NLRC5: variants seen among roughly 807,000 people sequenced by gnomAD.
NLRC5 encodes NLR family CARD domain containing 5.
A neutral mutation model predicts 206.9 loss-of-function variants in NLRC5; 114 were observed. The observed-to-expected ratio is 0.55, with a 90% CI of 0.47 to 0.64. The LOEUF is 0.64. Among genes scored for constraint, NLRC5 ranks in the 30% least tolerant of loss-of-function variants. The pLI is 0.00. For missense variants in NLRC5, 2,008 were observed against 2,305.5 expected, an observed-to-expected ratio of 0.87 and a Z score of 2.64; for synonymous variants, 952 against 962.8, an observed-to-expected ratio of 0.99 and a Z score of 0.21.
At chr16:57,025,334 T>A in intron 5 of NLRC5, 34 bp from the exon 6 acceptor site, 1 of 1,499,824 alleles carries the variant, frequency 6.7e-7, no homozygotes, top group Admixed American at 2.3e-5. Context: ...GGCCGGGGGG[T>A]CCTCTCCTCA....
At chr16:57,067,597 A>C (rs557061991) in intron 35 of NLRC5, 127 bp downstream of exon 35, 7 of 1,333,354 alleles carry the variant, frequency 5.2e-6, no homozygotes, top group East Asian at 2.3e-5. Context: ...TGGCCAGTGG[A>C]GGGGAGGGAG....
intron 33 of NLRC5, among the ~76,000 whole-genome samples, chr16:57,065,599 AG>A (rs1463840858): frequency 1.3e-5 from 2 of 152,210 alleles, no homozygotes; most frequent in Non-Finnish European, 2.9e-5. Context: ...CCCCAGATGC[AG>A]TAACACACAT....
At chr16:57,023,935 C>A in intron 5 of NLRC5, 82 bp downstream of exon 5, 1 of 1,297,116 alleles carries the variant, frequency 7.7e-7, no homozygotes, top group Non-Finnish European at 1.1e-6. Context: ...ACCTTGTCCC[C>A]TGCCAATAAG....
chr16:57,016,310 A>G (rs1476184990), intron 1 of NLRC5, among the ~76,000 whole-genome samples: 3 of 152,208 alleles, frequency 2.0e-5, no homozygotes, highest in Non-Finnish European at 4.4e-5. Context: ...TCTTATTTCT[A>G]ATTACCATAC....
chr16:57,049,336 G>T (rs2064493636), intron 23 of NLRC5, among the ~76,000 whole-genome samples: 1 of 152,182 alleles, frequency 6.6e-6, no homozygotes, highest in East Asian at 1.9e-4. Context: ...TGACTGTTAA[G>T]TACCTATTGT....
chr16:57,052,479 A>AAAAAAAAG (rs1162511270), intron 24 of NLRC5: 1 of 152,208 alleles, frequency 6.6e-6, no homozygotes, highest in Admixed American at 6.5e-5. Context: ...ATCTCAGAAA[A>AAAAAAAAG]AAAAAAAGAA....
intron 39 of NLRC5, among the ~76,000 whole-genome samples, chr16:57,075,381 G>A (rs905202916): frequency 4.6e-5 from 7 of 152,120 alleles, no homozygotes; most frequent in African/African-American, 1.2e-4. Flanking sequence ...CACCACGCCC[G>A]GCTAATTTTT....
At chr16:56,990,596 G>T (rs988026610) in intron 1 of NLRC5, 2 of 152,062 alleles carry the variant, frequency 1.3e-5, no homozygotes, top group East Asian at 3.8e-4. Flanking sequence ...TTTATAAGTT[G>T]GAGTTCTTAT....
intron 10 of NLRC5, among the ~76,000 whole-genome samples, chr16:57,030,537 AAGATGAATGGATGGATGGAT>A (rs1424383575): frequency 8.9e-5 from 13 of 146,648 alleles, no homozygotes; most frequent in Middle Eastern, 3.8e-3. Context: ...GGTGGATGAA[AAGATGAATGGATGGATGGAT>A]AGATGAATGG....
chr16:57,079,557 G>A lies in NLRC5; in HGVS notation c.5249G>A (p.Cys1750Tyr). 1.2e-6 allele frequency: 2 copies of A among 1,614,078 alleles called. No homozygotes were observed. The highest frequency in any genetic ancestry group is 1.7e-6 in the Non-Finnish European group (2 of 1,179,966). ...PLLRQIDLVS[C>Y]KIDNQTAKLL... ...TTCTCCATCCCCAGCCTGGTTTCCT[G>A]TAAGATTGACAACCAGACTGCCAAG... Residue 1750 changes from cysteine (C) to tyrosine (Y), a missense_variant, in exon 46 of 49, where the codon TGT becomes TAT. Physicochemically the swap from Cys to Tyr is radical, Grantham distance 194 (BLOSUM62 -2). Transcript: ENST00000688547.
At chr16:56,990,853 T>G (rs1483737515) in intron 1 of NLRC5, 1 of 152,092 alleles carries the variant, frequency 6.6e-6, no homozygotes, top group Admixed American at 6.6e-5. Context: ...TAGACTCCCA[T>G]CCAGCGTGCT....
chr16:57,008,861 G>A (rs535429644), intron 1 of NLRC5, among the ~76,000 whole-genome samples: 81 of 152,174 alleles, frequency 5.3e-4, no homozygotes, highest in African/African-American at 1.9e-3. Context: ...CTAGAAAAGG[G>A]ACCATTCCAG....
intron 38 of NLRC5, 26 bp from the exon 39 acceptor site, chr16:57,074,574 A>G: frequency 6.2e-7 from 1 of 1,609,614 alleles, no homozygotes; most frequent in Non-Finnish European, 8.5e-7. Flanking sequence ...CCAGATGTCA[A>G]GTTCACCTGG....
Position 57,021,092 on chromosome 16 carries a change from G to A in NLRC5, c.295+85G>A, listed in dbSNP as rs2060619992. The A allele has an allele frequency of 2.4e-6, 3 of 1,245,360 alleles. No homozygotes were observed. In the South Asian group the frequency reaches 4.0e-5, roughly 17 times the overall value. The allele number at this position is 1,245,360 out of a possible 1,614,324, so 77.1% of individuals were successfully genotyped here. On this transcript the variant is annotated intron_variant, in intron 3 of 48. Coordinates refer to ENST00000688547, the MANE Select transcript of NLRC5 (RefSeq NM_001384950.1). ...GGGAGGAGCCCAGGGACCCACCTAA[G>A]TCAGAGAGAGGGTGTAGCCCAGCCA...
chr16:57,049,007 G>T (rs1013057252), intron 23 of NLRC5, among the ~76,000 whole-genome samples: 1 of 152,060 alleles, frequency 6.6e-6, no homozygotes, highest in Non-Finnish European at 1.5e-5. Flanking sequence ...TAGATCAAGG[G>T]TGTCCAATCT....
At chr16:56,996,957 C>A (rs1299677399) in intron 1 of NLRC5, among the ~76,000 whole-genome samples, 1 of 152,126 alleles carries the variant, frequency 6.6e-6, no homozygotes, top group Non-Finnish European at 1.5e-5. Flanking sequence ...GCAGCCTCAA[C>A]TTCCTGGGCT....
At chr16:57,078,056 T>G (rs1276188864) in intron 43 of NLRC5, 36 bp downstream of exon 43, 1 of 1,522,740 alleles carries the variant, frequency 6.6e-7, no homozygotes, top group Non-Finnish European at 8.9e-7. Flanking sequence ...GCAGGGCTGG[T>G]GGGGAGGAGG....
rs147705567 is a variant in NLRC5, at chr16:57,055,228, T to C, written c.3659+134T>C. On this transcript the variant is annotated intron_variant, in intron 26 of 48. Transcript: ENST00000688547. ...CCTGGAACAACCCTGCAGAGGGACT[T>C]GTTTCACCCAGCATGAAGAAACACA... is the stretch of plus-strand genomic sequence containing the variant. 24 of 1,024,260 alleles carry C rather than the reference T, an allele frequency of 2.3e-5. No individual in the cohort carries two copies. The African/African-American group carries it at 3.3e-4, about 14-fold the overall frequency. The allele number at this position is 1,024,260 out of a possible 1,614,324, so 63.4% of individuals were successfully genotyped here. A position where few individuals can be genotyped will look rare whatever the true frequency, so the allele number is the denominator to read the frequency against.
intron 1 of NLRC5, among the ~76,000 whole-genome samples, chr16:56,995,319 C>G (rs1000592699): frequency 2.6e-5 from 4 of 152,160 alleles, no homozygotes; most frequent in African/African-American, 7.2e-5. Context: ...GGTGTCCCAG[C>G]TGGCTGTTTC....
Sources: allele counts gnomAD v4.1 joint callset (sites outside exome capture counted in the v4.1 genomes callset), GRCh38; gene constraint gnomAD v4.1.1; transcripts MANE v1.5; gene names NCBI Gene and HGNC (gene_info 2026-07-23, HGNC 2026-07-21).